CER1: variants seen among roughly 807,000 people sequenced by gnomAD.
The protein encoded by CER1 is cerberus.
CER1 carries 10 observed loss-of-function variants against 11.8 expected under a neutral mutation model. The ratio of observed to expected loss-of-function variants is 0.85; its 90% CI spans 0.52 to 1.44. The LOEUF is 1.44. CER1 is among the 40% of genes most tolerant of loss of function. The probability of loss-of-function intolerance (pLI) is 0.00; values close to 1 mark genes in which losing one functional copy is unlikely to be tolerated. For missense variants in CER1, 431 were observed against 327.0 expected (o/e 1.32, Z -2.45); for synonymous variants, 141 against 122.3 (o/e 1.15, Z -1.01).
downstream of CER1, among the ~76,000 whole-genome samples, chr9:14,719,128 G>C (rs972356274): frequency 6.6e-6 from 1 of 152,126 alleles, no homozygotes. Flanking sequence ...AATTCAAAAT[G>C]CATGTGAGTA....
At chr9:14,722,052 T>C (rs1840019977) in intron 1 of CER1, 114 bp downstream of exon 1, 1 of 1,229,990 alleles carries the variant, frequency 8.1e-7, no homozygotes, top group Non-Finnish European at 1.1e-6. Flanking sequence ...AAGGACCAAA[T>C]CTGTAGTTAA....
intron 1 of CER1, among the ~76,000 whole-genome samples, chr9:14,720,849 GA>G (rs1839999310): frequency 6.6e-6 from 1 of 152,116 alleles, no homozygotes; most frequent in African/African-American, 2.4e-5. Context: ...TATTCTGCAA[GA>G]CCTGTAGTAC....
chr9:14,719,490 C>T (rs77059042), downstream of CER1, among the ~76,000 whole-genome samples: 1,751 of 152,140 alleles, frequency 0.012, 33 homozygotes, highest in African/African-American at 0.04. Context: ...ATCTTTCCTA[C>T]AAATATTTCA....
downstream of CER1, among the ~76,000 whole-genome samples, chr9:14,719,527 GTGCCTGCC>G (rs796774315): frequency 0.083 from 10,030 of 120,486 alleles, 537 homozygotes; most frequent in South Asian, 0.094. Flanking sequence ...GCCTGCCTGC[GTGCCTGCC>G]TGCCTGCCTG....
At position 14,720,375 on chromosome 9, in the gene CER1, G is replaced by A. The variant is rs138899880; in HGVS notation, c.519C>T (p.His173=). ...RTVPFSQTIT[H]EGCEKVVVQN... ...GAACAACTACTTTTTCACAGCCTTC[G>A]TGGGTTATAGTCTAAAAAGCAAACA... Residue 173 remains histidine, a synonymous_variant, in exon 2 of 2, where the codon CAC becomes CAT. Coordinates refer to ENST00000380911, the MANE Select transcript of CER1 (RefSeq NM_005454.3). 9.0e-5 allele frequency: 145 copies of A among 1,610,602 alleles called. No individual in the cohort carries two copies. The African/African-American group carries it at 1.5e-3, about 17-fold the overall frequency.
chr9:14,722,651 G>A lies in CER1; in HGVS notation c.22C>T (p.Leu8=). ...TTTCCTAGAGGCAGGAGTACCAGCAGCTGAAATAAGAGGAGATGCATGCTG... is the reference window on the plus strand; with the variant it reads ...TTTCCTAGAGGCAGGAGTACCAGCAACTGAAATAAGAGGAGATGCATGCTG... MHLLLFQ[L]LVLLPLGKTT... Residue 8 remains leucine, a synonymous_variant, in exon 1 of 2, where the codon CTG becomes TTG. Transcript: ENST00000380911. 1 of 1,601,498 alleles carries A rather than the reference G, an allele frequency of 6.2e-7. No homozygotes were observed. Among genetic ancestry groups the A allele is most frequent in the Non-Finnish European group, 8.5e-7 (1 of 1,179,678 alleles).
chr9:14,722,674 C>T lies in CER1; in HGVS notation c.-2G>A. 2 of 1,592,548 alleles carry T rather than the reference C, an allele frequency of 1.3e-6. No homozygotes were observed. Among genetic ancestry groups the T allele is most frequent in the Non-Finnish European group, 8.5e-7 (1 of 1,177,072 alleles). Reference sequence around the variant, plus strand: ...CAGCTGAAATAAGAGGAGATGCATGCTGTCAGGGGCCCAAGCTTCTTTTGT... The same window carrying T: ...CAGCTGAAATAAGAGGAGATGCATGTTGTCAGGGGCCCAAGCTTCTTTTGT... On this transcript the variant is annotated 5_prime_UTR_variant, in exon 1 of 2. Transcript: ENST00000380911.
At chr9:14,719,484 T>C (rs888580216), downstream of CER1, among the ~76,000 whole-genome samples, 37 of 152,120 alleles carry the variant, frequency 2.4e-4, no homozygotes, top group Non-Finnish European at 4.4e-5. Context: ...ATGAGAATCT[T>C]TCCTACAAAT....
At chr9:14,718,443 A>G (rs1279380170), downstream of CER1, among the ~76,000 whole-genome samples, 5 of 152,306 alleles carry the variant, frequency 3.3e-5, no homozygotes, top group East Asian at 5.8e-4. Flanking sequence ...TTTGACCACC[A>G]AAGGGTATGA....
Position 14,722,361 on chromosome 9 carries a change from G to A in CER1, c.312C>T (p.Pro104=), listed in dbSNP as rs770432522. The A allele has an allele frequency of 2.5e-6, 4 of 1,614,058 alleles. No individual in the cohort carries two copies. In the Admixed American group the frequency reaches 5.0e-5, roughly 20 times the overall value. The change falls in exon 1 of 2, where the codon CCC becomes CCT. Residue 104 remains proline (P), a synonymous_variant. Transcript: ENST00000380911. ...TGAGGGACTGGGTCCCAGGTGGGAAGGGCTCACTATCTGAGTCCCTGGATG... is the reference window on the plus strand; with the variant it reads ...TGAGGGACTGGGTCCCAGGTGGGAAAGGCTCACTATCTGAGTCCCTGGATG... The part of the protein sequence containing the change: ...MHPSRDSDSE[P]FPPGTQSLIQ...
At position 14,720,392 on chromosome 9, in the gene CER1, A is replaced by G. The variant is rs773003343; in HGVS notation, c.508-6T>C. 1.2e-6 allele frequency: 2 copies of G among 1,601,968 alleles called. No homozygotes were observed. Among genetic ancestry groups the G allele is most frequent in the East Asian group, 4.5e-5 (2 of 44,598 alleles). ...CAGCCTTCGTGGGTTATAGTCTAAA[A>G]AGCAAACACATTTCCATTACGTTAT... On this transcript the variant is annotated splice_region_variant and splice_polypyrimidine_tract_variant and intron_variant, in intron 1 of 1. Transcript: ENST00000380911.
At position 14,719,882 on chromosome 9, in the gene CER1, G is replaced by A. The variant is rs376683533; in HGVS notation, c.*208C>T. 53 of 546,432 alleles carry A rather than the reference G, an allele frequency of 9.7e-5. No individual in the cohort carries two copies. The highest frequency in any genetic ancestry group is 1.3e-4 in the Non-Finnish European group (41 of 305,650). The allele number at this position is 546,432 out of a possible 1,614,324, so 33.8% of individuals were successfully genotyped here. A position where few individuals can be genotyped will look rare whatever the true frequency, so the allele number is the denominator to read the frequency against. On this transcript the variant is annotated 3_prime_UTR_variant, in exon 2 of 2. Transcript: ENST00000380911. ...AAGGTTTTACAACTTAACATTCTAC[G>A]GCTAGTTAGTGGCAGAGCTGAGACA...
chr9:14,722,091 C>T (rs1840020637), intron 1 of CER1, 75 bp downstream of exon 1: 1 of 1,497,134 alleles, frequency 6.7e-7, no homozygotes, highest in Non-Finnish European at 9.0e-7. Flanking sequence ...ACAGCCTTTT[C>T]CCCTACTCTC....
rs937677860 is a variant in CER1 at position 14,722,473 on chromosome 9, C to T, written c.200G>A (p.Ser67Asn). ...CTGCCTCTGGCCTTCCCCTGCAGGG[C>T]TGGTGGCTACAAGGTGTGGCACTGC... is the stretch of plus-strand genomic sequence containing the variant. Reference protein sequence around the residue: ...FVAVPHLVATSPAGEGQRQRE... With the variant: ...FVAVPHLVATNPAGEGQRQRE... Residue 67 changes from serine (S) to asparagine (N), a missense_variant, in exon 1 of 2, where the codon AGC becomes AAC. Ser to Asn is a conservative substitution (Grantham distance 46). Transcript: ENST00000380911. 20 of 1,614,104 alleles carry T rather than the reference C, an allele frequency of 1.2e-5. No homozygotes were observed. Among genetic ancestry groups the T allele is most frequent in the Admixed American group, 1.7e-5 (1 of 60,012 alleles).
chr9:14,718,454 T>C (rs1021893875), downstream of CER1, among the ~76,000 whole-genome samples: 5 of 152,222 alleles, frequency 3.3e-5, no homozygotes, highest in African/African-American at 1.2e-4. Flanking sequence ...AAGGGTATGA[T>C]AATATATTCC....
intron 1 of CER1, 142 bp from the exon 2 acceptor site, chr9:14,720,528 G>A (rs1165265071): frequency 1.3e-5 from 10 of 784,718 alleles, no homozygotes; most frequent in Non-Finnish European, 2.0e-5. Flanking sequence ...CAATATGCAA[G>A]TGATGGTATC....
downstream of CER1, among the ~76,000 whole-genome samples, chr9:14,717,808 T>C (rs983435865): frequency 1.4e-4 from 22 of 152,176 alleles, no homozygotes; most frequent in Admixed American, 1.4e-3. Context: ...TAATCCAAAA[T>C]AGAAAATATT....
rs369290434 is a variant in CER1 at position 14,722,376 on chromosome 9, G to T, written c.297C>A (p.Asp99Glu). Residue 99 changes from aspartate (D) to glutamate (E), a missense_variant, in exon 1 of 2, where the codon GAC (aspartate) becomes GAA (glutamate). Coordinates refer to ENST00000380911, the MANE Select transcript of CER1 (RefSeq NM_005454.3). ...CAGGTGGGAAGGGCTCACTATCTGA[G>T]TCCCTGGATGGATGCATTTCTCTCT... ...KPEREMHPSR[D>E]SDSEPFPPGT... is the part of the protein sequence containing the mutation. 1 of 1,614,220 alleles carries T rather than the reference G, an allele frequency of 6.2e-7. No individual in the cohort carries two copies.
chr9:14,722,538 G>C lies in CER1; in HGVS notation c.135C>G (p.Gly45=). The change falls in exon 1 of 2, where the codon GGC becomes GGG. Residue 45 remains glycine, a synonymous_variant. Transcript: ENST00000380911. The part of the protein sequence containing the change: ...LPRNQRELPT[G]NHEEAEEKPD... The stretch of plus-strand genomic sequence containing the variant: ...GCTTCTCCTCAGCTTCCTCATGGTT[G>C]CCTGTGGGAAGCTCTCTTTGATTCC... 1.9e-6 allele frequency: 3 copies of C among 1,614,180 alleles called. No individual in the cohort carries two copies. Among genetic ancestry groups the C allele is most frequent in the Non-Finnish European group, 2.5e-6 (3 of 1,180,052 alleles).
Sources: allele counts gnomAD v4.1 joint callset (sites outside exome capture counted in the v4.1 genomes callset), GRCh38; gene constraint gnomAD v4.1.1; transcripts MANE v1.5; gene names NCBI Gene and HGNC (gene_info 2026-07-23, HGNC 2026-07-21).